Variants in PSME4 observed in about 807,000 individuals in gnomAD.
PSME4 encodes the protein proteasome activator complex subunit 4.
In PSME4, 89 loss-of-function variants were observed where a neutral mutation model predicts 253.9. The observed-to-expected ratio is 0.35, with a 90% CI of 0.30 to 0.42. The LOEUF is 0.42. PSME4 is among the 10% of genes least tolerant of loss of function. The pLI is 1.00. For synonymous variants in PSME4, 851 were observed against 759.2 expected (o/e 1.12, Z -1.99); for missense variants, 2,014 against 2,195.2 (o/e 0.92, Z 1.65).
chr2:53,916,297 T>C (rs1453500633), intron 20 of PSME4, among the ~76,000 whole-genome samples: 1 of 151,832 alleles, frequency 6.6e-6, no homozygotes, highest in African/African-American at 2.4e-5. Context: ...AAAACTGGTC[T>C]GGTATTTCAG....
Position 53,970,551 on chromosome 2 carries a change from T to C in PSME4, c.234A>G (p.Lys78=), listed in dbSNP as rs1671021011. 6.5e-7 allele frequency: 1 copy of C among 1,542,104 alleles called. No homozygotes were observed. Residue 78 remains lysine (K), a synonymous_variant, in exon 1 of 47, where the codon AAA becomes AAG. Coordinates refer to ENST00000404125, the MANE Select transcript of PSME4 (RefSeq NM_014614.3). ...GGCCCGGGCACACTTACGTGGAGAG[T>C]TTCCTGGTCCAGAAGAGGCCCCCGG... ...LWPGGLFWTR[K]LSTYIRLYGR...
chr2:53,888,854 C>T lies in PSME4; in HGVS notation c.4297-42G>A, dbSNP rs759932866. 16 of 1,413,612 alleles carry T rather than the reference C, an allele frequency of 1.1e-5. No individual in the cohort carries two copies. In the South Asian group the frequency reaches 1.7e-4, roughly 15 times the overall value. The allele number at this position is 1,413,612 out of a possible 1,614,324, so 87.6% of individuals were successfully genotyped here. A position where few individuals can be genotyped will look rare whatever the true frequency, so the allele number is the denominator to read the frequency against. The stretch of plus-strand genomic sequence containing the variant: ...ATGTAACAGTTCAACAGAGAACCTA[C>T]AATTCTGTAAACAAATCATACTCAG... On this transcript the variant is annotated intron_variant, in intron 37 of 46. Coordinates refer to ENST00000404125, the MANE Select transcript of PSME4 (RefSeq NM_014614.3).
At chr2:53,920,524 C>A (rs911564119) in intron 18 of PSME4, among the ~76,000 whole-genome samples, 174 bp from the exon 19 acceptor site, 1 of 152,266 alleles carries the variant, frequency 6.6e-6, no homozygotes, top group East Asian at 1.9e-4. Flanking sequence ...ACTGCCTCTT[C>A]GTTATCACTC....
At chr2:53,945,384 G>C (rs1669654155) in intron 3 of PSME4, among the ~76,000 whole-genome samples, 1 of 151,902 alleles carries the variant, frequency 6.6e-6, no homozygotes, top group Non-Finnish European at 1.5e-5. Flanking sequence ...TTCTTCTATT[G>C]AATAAAAAAC....
At chr2:53,951,032 A>G (rs1202737815) in intron 1 of PSME4, among the ~76,000 whole-genome samples, 1 of 152,102 alleles carries the variant, frequency 6.6e-6, no homozygotes, top group African/African-American at 2.4e-5. Flanking sequence ...ATTCCTCGTA[A>G]GATCTTTAAC....
At chr2:53,881,791 T>C (rs1679402612) in intron 41 of PSME4, among the ~76,000 whole-genome samples, 1 of 152,046 alleles carries the variant, frequency 6.6e-6, no homozygotes, top group Non-Finnish European at 1.5e-5. Context: ...ACCATGTGGT[T>C]CAGGCTGGTC....
intron 30 of PSME4, 50 bp downstream of exon 30, chr2:53,898,251 T>C (rs376896255): frequency 1.6e-5 from 24 of 1,511,468 alleles, no homozygotes; most frequent in African/African-American, 7.0e-5. Flanking sequence ...AAAACTCCTA[T>C]AGTATTTATG....
chr2:53,941,521 A>G (rs908563418), intron 3 of PSME4, among the ~76,000 whole-genome samples: 2 of 152,042 alleles, frequency 1.3e-5, no homozygotes, highest in South Asian at 2.1e-4. Flanking sequence ...GGGCACTTCC[A>G]AAGTGCTTAT....
At position 53,967,649 on chromosome 2, in the gene PSME4, C is replaced by CAAAAAAAAAAAAA. The variant is rs71408747; in HGVS notation, c.242+2881_242+2893dup. On this transcript the variant is annotated intron_variant, in intron 1 of 46. Transcript: ENST00000404125. The stretch of plus-strand genomic sequence containing the variant: ...TCTGGGCAACAGAGTGAGATTGTCT[C>CAAAAAAAAAAAAA]AAAAAAAAAAAAAAAAAAAAAAAAA... 6.5e-4 allele frequency among the ~76,000 whole-genome samples: 14 copies of CAAAAAAAAAAAAA among 21,556 alleles called. 1 individual carries two copies. The highest frequency in any genetic ancestry group is 5.5e-3 in the East Asian group (2 of 362). The allele number at this position is 21,556 out of a possible 152,430, so 14.1% of individuals were successfully genotyped here. A position where few individuals can be genotyped will look rare whatever the true frequency, so the allele number is the denominator to read the frequency against.
At chr2:53,921,413 A>T (rs1238851969) in intron 17 of PSME4, among the ~76,000 whole-genome samples, 3 of 151,412 alleles carry the variant, frequency 2.0e-5, no homozygotes, top group African/African-American at 7.3e-5. Flanking sequence ...TGCCCAGATA[A>T]TTTTTGTATT....
At chr2:53,922,916 G>A (rs1668390179) in intron 16 of PSME4, 133 bp downstream of exon 16, 1 of 750,326 alleles carries the variant, frequency 1.3e-6, no homozygotes, top group East Asian at 2.8e-5. Flanking sequence ...CTTTTTTGGA[G>A]ACAAATTTTC....
Position 53,936,179 on chromosome 2 carries a change from G to A in PSME4, c.760-18C>T, listed in dbSNP as rs372486032. 266 of 1,612,682 alleles carry A rather than the reference G, an allele frequency of 1.6e-4. No homozygotes were observed. Among genetic ancestry groups the A allele is most frequent in the Admixed American group, 4.2e-4 (25 of 59,854 alleles). On this transcript the variant is annotated intron_variant, in intron 6 of 46. Coordinates refer to ENST00000404125, the MANE Select transcript of PSME4 (RefSeq NM_014614.3). ...ACTAGTTGCTGAAAGTAAACAAAAAGGACAAAGTTAATATATTTGTTGTTA... is the reference window on the plus strand; with the variant it reads ...ACTAGTTGCTGAAAGTAAACAAAAAAGACAAAGTTAATATATTTGTTGTTA...
intron 44 of PSME4, among the ~76,000 whole-genome samples, chr2:53,867,756 C>A (rs1244025424): frequency 6.6e-6 from 1 of 150,982 alleles, no homozygotes; most frequent in African/African-American, 2.4e-5. Context: ...CCAGTACAAT[C>A]CCTGATTCTA....
intron 1 of PSME4, among the ~76,000 whole-genome samples, chr2:53,964,723 A>T (rs750226260): frequency 3.3e-5 from 5 of 152,216 alleles, no homozygotes; most frequent in Non-Finnish European, 7.3e-5. Context: ...GGATGATATG[A>T]ATGTGGGTGC....
chr2:53,969,171 C>G (rs902692310), intron 1 of PSME4, among the ~76,000 whole-genome samples: 3 of 152,100 alleles, frequency 2.0e-5, no homozygotes, highest in African/African-American at 7.2e-5. Flanking sequence ...AAACGTGGTT[C>G]TCCCTGTTGC....
chr2:53,968,683 T>C (rs966852923), intron 1 of PSME4, among the ~76,000 whole-genome samples: 1 of 152,262 alleles, frequency 6.6e-6, no homozygotes, highest in African/African-American at 2.4e-5. Flanking sequence ...CATTTCTTGC[T>C]GGTTATTTAG....
chr2:53,951,901 CA>C (rs1479711955), intron 1 of PSME4, among the ~76,000 whole-genome samples: 2 of 152,132 alleles, frequency 1.3e-5, no homozygotes, highest in African/African-American at 2.4e-5. Flanking sequence ...TTAGTGAAGA[CA>C]AAAGATCCTA....
At chr2:53,953,562 A>G (rs955264116) in intron 1 of PSME4, among the ~76,000 whole-genome samples, 7 of 151,468 alleles carry the variant, frequency 4.6e-5, no homozygotes, top group Non-Finnish European at 1.0e-4. Context: ...TTGGGATCCA[A>G]AAATCCTAGG....
At chr2:53,916,745 A>T (rs551880494) in intron 20 of PSME4, among the ~76,000 whole-genome samples, 260 of 152,032 alleles carry the variant, frequency 1.7e-3, no homozygotes, top group African/African-American at 6.1e-3. Flanking sequence ...ACCATCTGTT[A>T]AAAAAAAGTA....
Sources: allele counts gnomAD v4.1 joint callset (sites outside exome capture counted in the v4.1 genomes callset), GRCh38; gene constraint gnomAD v4.1.1; transcripts MANE v1.5; gene names NCBI Gene and HGNC (gene_info 2026-07-23, HGNC 2026-07-21).